The following ETV4 variants were observed in gnomAD, a reference collection of about 807,000 sequenced individuals.
ETV4 encodes the protein ETS translocation variant 4.
A neutral mutation model predicts 65.9 loss-of-function variants in ETV4; 42 were observed. That is an observed-to-expected ratio of 0.64 (90% CI 0.50 to 0.82). ETV4 has a LOEUF of 0.82. Among genes scored for constraint, ETV4 ranks in the 40% least tolerant of loss-of-function variants. The probability of loss-of-function intolerance (pLI) is 0.00; values close to 1 mark genes in which losing one functional copy is unlikely to be tolerated. For synonymous variants in ETV4, 238 were observed against 260.0 expected (o/e 0.92, Z 0.81); for missense variants, 583 against 630.3 (o/e 0.92, Z 0.80).
chr17:43,532,808 T>C lies in ETV4; in HGVS notation c.677A>G (p.Lys226Arg), dbSNP rs1431698591. ...ATACAGGGGATCATGGTATTCTTGC[T>C]TAAAGCTCTGCTGGGGATAGGGTGG... The part of the protein sequence containing the change: ...PCPPYPQQSF[K>R]QEYHDPLYEQ... The change falls in exon 8 of 13, where the codon AAG (lysine) becomes AGG (arginine). Residue 226 changes from lysine to arginine, a missense_variant. Transcript: ENST00000319349. The C allele has an allele frequency of 6.2e-7, 1 of 1,613,950 alleles. No homozygotes were observed.
intron 4 of ETV4, among the ~76,000 whole-genome samples, chr17:43,541,476 G>A (rs962692500): frequency 6.6e-6 from 1 of 151,912 alleles, no homozygotes; most frequent in Non-Finnish European, 1.5e-5. Flanking sequence ...AAAGTGCCAA[G>A]ACAGCATAAT....
rs376423516 is a variant in ETV4 at position 43,528,672 on chromosome 17, G to A, written c.1302C>T (p.Asp434=). ...PEALFSLAFP[D]NQRPALKAEF... ...CAGCCTTGAGAGCTGGACGCTGATTGTCCGGGAAGGCCAAAGAGAAGAGGG... is the reference window on the plus strand; with the variant it reads ...CAGCCTTGAGAGCTGGACGCTGATTATCCGGGAAGGCCAAAGAGAAGAGGG... Residue 434 remains aspartate (D), a synonymous_variant, in exon 13 of 13, where the codon GAC becomes GAT. Transcript: ENST00000319349. The A allele has an allele frequency of 1.2e-6, 2 of 1,614,184 alleles. No individual in the cohort carries two copies. Among genetic ancestry groups the A allele is most frequent in the Middle Eastern group, 1.6e-4 (1 of 6,062 alleles).
rs775172939 is a variant in ETV4, at chr17:43,533,882, A to T, written c.360T>A (p.His120Gln). 3.1e-6 allele frequency: 5 copies of T among 1,604,876 alleles called. No homozygotes were observed. Among genetic ancestry groups the T allele is most frequent in the Non-Finnish European group, 3.4e-6 (4 of 1,176,338 alleles). ...CSRKPPLPYH[H>Q]GEQCLYSSAY... is the part of the protein sequence containing the mutation. ...ACCTGGAGTAAAGGCACTGCTCGCC[A>T]TGGTGGTAGGGGAGTGGCGGCTTCC... Residue 120 changes from histidine to glutamine, a missense_variant, in exon 6 of 13, where the codon CAT becomes CAA. By Grantham distance (24) the His-to-Gln change is conservative (BLOSUM62 0). Coordinates refer to ENST00000319349, the MANE Select transcript of ETV4 (RefSeq NM_001079675.5).
intron 4 of ETV4, among the ~76,000 whole-genome samples, chr17:43,543,526 AG>A (rs1732580356): frequency 6.6e-6 from 1 of 152,128 alleles, no homozygotes. Context: ...CTCAGCTGAC[AG>A]GCAAGGAATG....
At position 43,533,334 on chromosome 17, in the gene ETV4, G is replaced by T; in HGVS notation, c.398C>A (p.Pro133His). ...QCLYSSAYDP[P>H]RQIAIKSPAP... ...AGGGGACTTGATGGCGATTTGTCTG[G>T]GGGGGTCATAGGCACTGGAGTTGAG... is the stretch of plus-strand genomic sequence containing the variant. Residue 133 changes from proline to histidine, a missense_variant, in exon 7 of 13, where the codon CCC (proline) becomes CAC (histidine). By Grantham distance (77) the Pro-to-His change is moderately conservative. Transcript: ENST00000319349. 6.2e-7 allele frequency: 1 copy of T among 1,613,552 alleles called. No individual in the cohort carries two copies.
At chr17:43,543,296 T>TCTCTCTCA (rs888736657) in intron 4 of ETV4, among the ~76,000 whole-genome samples, 13 of 143,452 alleles carry the variant, frequency 9.1e-5, no homozygotes, top group Non-Finnish European at 1.2e-4. Flanking sequence ...TCTCTCTCTC[T>TCTCTCTCA]CACACACACA....
chr17:43,545,650 C>T lies in ETV4; in HGVS notation c.-33G>A, dbSNP rs1279360986. ...CTCCCTCCGGCCGCACGGCCGGGGC[C>T]CCAAGCGGGGGCCGAGACCTGGTGG... On this transcript the variant is annotated 5_prime_UTR_variant, in exon 2 of 13. Transcript: ENST00000319349. 7.1e-6 allele frequency: 11 copies of T among 1,548,330 alleles called. No individual in the cohort carries two copies. The South Asian group carries it at 1.3e-4, about 18-fold the overall frequency.
intron 8 of ETV4, among the ~76,000 whole-genome samples, chr17:43,531,878 T>A (rs1970955512): frequency 6.6e-6 from 1 of 152,214 alleles, no homozygotes; most frequent in Non-Finnish European, 1.5e-5. Context: ...ATTTCCCAAC[T>A]CTGCACACTC....
intron 4 of ETV4, 182 bp downstream of exon 4, chr17:43,544,793 A>G (rs2154587326): frequency 1.7e-6 from 1 of 595,002 alleles, no homozygotes; most frequent in East Asian, 2.8e-5. Flanking sequence ...ATATCAATAT[A>G]AGTGTCCACG....
chr17:43,535,041 T>C (rs1310284806), intron 5 of ETV4, among the ~76,000 whole-genome samples: 1 of 152,220 alleles, frequency 6.6e-6, no homozygotes, highest in African/African-American at 2.4e-5. Flanking sequence ...CTCCTACTTA[T>C]CTGTGAAGAA....
At chr17:43,541,906 C>T (rs539892141) in intron 4 of ETV4, among the ~76,000 whole-genome samples, 7 of 152,288 alleles carry the variant, frequency 4.6e-5, no homozygotes, top group Admixed American at 1.3e-4. Flanking sequence ...AGATTAACCT[C>T]ATCCCTCCCC....
intron 5 of ETV4, among the ~76,000 whole-genome samples, chr17:43,535,602 A>G (rs371177411): frequency 2.6e-5 from 4 of 152,214 alleles, no homozygotes; most frequent in African/African-American, 9.6e-5. Context: ...CAACAGTGGC[A>G]CTACTGACCT....
At chr17:43,536,552 C>T in intron 4 of ETV4, 73 bp from the exon 5 acceptor site, 1 of 1,356,746 alleles carries the variant, frequency 7.4e-7, no homozygotes, top group South Asian at 1.2e-5. Flanking sequence ...TTATTACAGC[C>T]CTGCAGATTA....
chr17:43,537,407 G>A (rs976633574), intron 4 of ETV4, among the ~76,000 whole-genome samples: 3 of 151,612 alleles, frequency 2.0e-5, no homozygotes, highest in African/African-American at 7.3e-5. Flanking sequence ...ATCACATAGG[G>A]GGGTGGCTGG....
intron 4 of ETV4, among the ~76,000 whole-genome samples, chr17:43,541,521 C>T (rs1239486932): frequency 6.6e-6 from 1 of 151,658 alleles, no homozygotes; most frequent in African/African-American, 2.4e-5. Flanking sequence ...AGGGACTCTC[C>T]TTTCAAAAAG....
chr17:43,529,603 C>T lies in ETV4; in HGVS notation c.1029G>A (p.Leu343=). The T allele has an allele frequency of 1.2e-6, 2 of 1,614,146 alleles. No homozygotes were observed. The highest frequency in any genetic ancestry group is 1.7e-6 in the Non-Finnish European group (2 of 1,180,030). The part of the protein sequence containing the change: ...PPYQRRGALQ[L]WQFLVALLDD... ...CCAGCAAGGCCACCAGAAATTGCCA[C>T]AGCTGCAGGGCACCCCGGCGCTGGT... Residue 343 remains leucine (L), a synonymous_variant, in exon 11 of 13, where the codon CTG becomes CTA. Transcript: ENST00000319349.
At chr17:43,540,177 G>A (rs561076430) in intron 4 of ETV4, among the ~76,000 whole-genome samples, 1 of 152,222 alleles carries the variant, frequency 6.6e-6, no homozygotes, top group Non-Finnish European at 1.5e-5. Flanking sequence ...TTACAGCCAG[G>A]TGTGGTGGCT....
intron 1 of ETV4, chr17:43,545,872 AGCCGGGCTC>A: frequency 1.7e-6 from 1 of 584,992 alleles, no homozygotes; most frequent in Non-Finnish European, 3.0e-6. Context: ...TGCTCCCAGG[AGCCGGGCTC>A]GCCGTTTCTG....
At chr17:43,537,796 C>T (rs1971322054) in intron 4 of ETV4, among the ~76,000 whole-genome samples, 1 of 152,062 alleles carries the variant, frequency 6.6e-6, no homozygotes, top group Admixed American at 6.6e-5. Context: ...AGTTTGAGAC[C>T]AGCCTGACCA....
Sources: allele counts gnomAD v4.1 joint callset (sites outside exome capture counted in the v4.1 genomes callset), GRCh38; gene constraint gnomAD v4.1.1; transcripts MANE v1.5; gene names NCBI Gene and HGNC (gene_info 2026-07-23, HGNC 2026-07-21).